XKR9: variants seen among roughly 807,000 people sequenced by gnomAD.
XKR9 encodes XK related 9.
XKR9 carries 32 observed loss-of-function variants against 32.0 expected under a neutral mutation model. That is an observed-to-expected ratio of 1.00 (90% confidence interval 0.76 to 1.34). XKR9 has a LOEUF of 1.34. Among genes scored for constraint, XKR9 ranks in the 40% most tolerant of loss-of-function variants. The pLI, the probability that XKR9 is intolerant of heterozygous loss-of-function variation, is 0.00. For missense variants in XKR9, 546 were observed against 429.7 expected, an observed-to-expected ratio of 1.27 and a Z score of -2.39; for synonymous variants, 168 against 143.4, an observed-to-expected ratio of 1.17 and a Z score of -1.22.
intron 1 of XKR9, among the ~76,000 whole-genome samples, chr8:70,673,666 G>A (rs979467269): frequency 5.3e-5 from 8 of 152,076 alleles, no homozygotes; most frequent in South Asian, 2.1e-4. Flanking sequence ...TTGGGAGGCC[G>A]AGGCAGGAGA....
chr8:70,775,262 C>G (rs532985741), intron 2 of XKR9, among the ~76,000 whole-genome samples: 63 of 152,156 alleles, frequency 4.1e-4, no homozygotes, highest in Admixed American at 1.4e-3. Context: ...TCATGTCTTG[C>G]AAATTAAGAC....
the XKR9 span, among the ~76,000 whole-genome samples, chr8:71,012,702 C>T: frequency 6.6e-6 from 1 of 152,206 alleles, no homozygotes; most frequent in Non-Finnish European, 1.5e-5. Context: ...CACAAAACTC[C>T]CCTTTGATGT....
At chr8:70,776,956 T>TATATATATATAC (rs1586894181) in intron 2 of XKR9, among the ~76,000 whole-genome samples, 1 of 139,872 alleles carries the variant, frequency 7.1e-6, no homozygotes, top group East Asian at 2.0e-4. Flanking sequence ...TCTATATATA[T>TATATATATATAC]ATATATATGT....
chr8:70,734,754 T>G lies in XKR9; in HGVS notation c.*330T>G. 1 of 176,062 alleles carries G rather than the reference T, an allele frequency of 5.7e-6. No homozygotes were observed. Among genetic ancestry groups the G allele is most frequent in the Non-Finnish European group, 1.2e-5 (1 of 84,790 alleles). 10.9% of individuals were successfully genotyped at this position (176,062 alleles called of 1,614,324 possible). A position where few individuals can be genotyped will look rare whatever the true frequency, so the allele number is the denominator to read the frequency against. ...GTTCCTGAACTAATACTACTGTACC[T>G]GTTATGGAGGACTGCAAAGGGAAGA... On this transcript the variant is annotated 3_prime_UTR_variant, in exon 5 of 5. Transcript: ENST00000408926.
chr8:70,856,956 T>A, the XKR9 span, among the ~76,000 whole-genome samples: 1 of 152,146 alleles, frequency 6.6e-6, no homozygotes, highest in Non-Finnish European at 1.5e-5. Flanking sequence ...CCAGAATATG[T>A]GGGACACAGT....
the XKR9 span, among the ~76,000 whole-genome samples, chr8:70,987,806 AG>A: frequency 5.3e-5 from 8 of 152,198 alleles, no homozygotes; most frequent in African/African-American, 4.8e-5. Context: ...GCTCTCCATG[AG>A]GACCCCACCC....
intron 2 of XKR9, among the ~76,000 whole-genome samples, chr8:70,773,874 T>G (rs895938749): frequency 2.6e-5 from 4 of 152,218 alleles, no homozygotes; most frequent in African/African-American, 4.8e-5. Flanking sequence ...AGGCATGGAT[T>G]GGCTGTTAGA....
chr8:70,690,367 G>C (rs972173293), intron 3 of XKR9, among the ~76,000 whole-genome samples: 1 of 151,918 alleles, frequency 6.6e-6, no homozygotes, highest in Non-Finnish European at 1.5e-5. Flanking sequence ...GTCTCACTCT[G>C]TTGCCAGGCT....
rs867879968 is a variant in XKR9 at position 70,735,861 on chromosome 8, T to G, written c.*1437T>G. ...GCCACATTTTCTTAATCCAGTCTATTGTTGTTGGACATTTGGGTTGGTTCC... is the reference window on the plus strand; with the variant it reads ...GCCACATTTTCTTAATCCAGTCTATGGTTGTTGGACATTTGGGTTGGTTCC... On this transcript the variant is annotated 3_prime_UTR_variant, in exon 5 of 5. Coordinates refer to ENST00000408926, the MANE Select transcript of XKR9 (RefSeq NM_001011720.2). The G allele has an allele frequency of 1.3e-5, 2 of 151,874 alleles. No individual in the cohort carries two copies. The highest frequency in any genetic ancestry group is 4.8e-5 in the African/African-American group (2 of 41,290). The allele number at this position is 151,874 out of a possible 1,614,324, so 9.4% of individuals were successfully genotyped here.
chr8:70,724,182 T>C (rs1039178779), intron 4 of XKR9, among the ~76,000 whole-genome samples: 1 of 152,244 alleles, frequency 6.6e-6, no homozygotes, highest in Admixed American at 6.5e-5. Flanking sequence ...CTCAACACTG[T>C]CAGGGGAAAG....
chr8:70,906,262 TG>T, the XKR9 span, among the ~76,000 whole-genome samples: 2 of 152,258 alleles, frequency 1.3e-5, no homozygotes, highest in Non-Finnish European at 2.9e-5. Flanking sequence ...CTCCTTGAGC[TG>T]CGGTGGCCTC....
intron 2 of XKR9, among the ~76,000 whole-genome samples, chr8:70,750,581 A>T (rs143887081): frequency 6.0e-4 from 92 of 152,252 alleles, no homozygotes; most frequent in African/African-American, 2.1e-3. Context: ...TTCTCCAAGG[A>T]TATGAAGATT....
At chr8:70,901,300 C>A in the XKR9 span, among the ~76,000 whole-genome samples, 1 of 152,210 alleles carries the variant, frequency 6.6e-6, no homozygotes, top group Non-Finnish European at 1.5e-5. Context: ...TCCTATTTCT[C>A]CACATCCCCT....
chr8:70,752,389 C>T (rs1355888684), intron 2 of XKR9, among the ~76,000 whole-genome samples: 1 of 152,130 alleles, frequency 6.6e-6, no homozygotes, highest in African/African-American at 2.4e-5. Flanking sequence ...GGCCACATCT[C>T]GTTGGCTTCT....
chr8:70,888,201 T>C, the XKR9 span, among the ~76,000 whole-genome samples: 1 of 152,066 alleles, frequency 6.6e-6, no homozygotes. Flanking sequence ...CTTAGTGATG[T>C]TGAGCATTTT....
chr8:70,742,114 CTCTA>C, intron 2 of XKR9, among the ~76,000 whole-genome samples: 5 of 151,966 alleles, frequency 3.3e-5, no homozygotes, highest in African/African-American at 1.2e-4. Flanking sequence ...TTGGAGAACT[CTCTA>C]TATTTAATTA....
At chr8:71,046,684 T>G in the XKR9 span, among the ~76,000 whole-genome samples, 2 of 152,236 alleles carry the variant, frequency 1.3e-5, no homozygotes, top group Non-Finnish European at 2.9e-5. Context: ...AGCAAACTGA[T>G]GCATCCCATT....
At chr8:70,786,271 A>G (rs537183472) in intron 2 of XKR9, among the ~76,000 whole-genome samples, 1 of 152,054 alleles carries the variant, frequency 6.6e-6, no homozygotes, top group Non-Finnish European at 1.5e-5. Flanking sequence ...GGAATATTCT[A>G]TGTATGTCTG....
chr8:70,978,534 C>A, the XKR9 span, among the ~76,000 whole-genome samples: 1 of 152,286 alleles, frequency 6.6e-6, no homozygotes, highest in East Asian at 1.9e-4. Context: ...GTTGAAAATT[C>A]TTTTCTTTAA....
Sources: gnomAD v4.1 joint callset for allele counts (sites outside exome capture counted in the v4.1 genomes callset) on GRCh38, gnomAD v4.1.1 for gene constraint, MANE v1.5 for transcripts, NCBI Gene and HGNC (gene_info 2026-07-23, HGNC 2026-07-21) for gene names.